Variants in ATP8A2 observed in about 807,000 individuals in gnomAD.
ATP8A2 encodes the protein phospholipid-transporting ATPase IB.
Under a neutral mutation model 165.6 loss-of-function variants are expected in ATP8A2, and 100 were observed. The observed-to-expected ratio is 0.60, with a 90% CI of 0.51 to 0.71. The LOEUF is 0.71. Among genes scored for constraint, ATP8A2 ranks in the 30% least tolerant of loss-of-function variants. The pLI is 0.00. For missense variants in ATP8A2, 1,227 were observed against 1,479.5 expected, an observed-to-expected ratio of 0.83 and a Z score of 2.80; for synonymous variants, 543 against 548.8, an observed-to-expected ratio of 0.99 and a Z score of 0.15.
intron 7 of ATP8A2, among the ~76,000 whole-genome samples, chr13:25,539,947 A>T (rs2137980908): frequency 6.6e-6 from 1 of 152,304 alleles, no homozygotes; most frequent in Middle Eastern, 3.4e-3. Flanking sequence ...TGCCTTGGGC[A>T]GCCTTTTTGG....
intron 2 of ATP8A2, among the ~76,000 whole-genome samples, chr13:25,523,741 A>G (rs914262908): frequency 4.0e-5 from 6 of 151,788 alleles, no homozygotes; most frequent in Non-Finnish European, 8.8e-5. Context: ...TTCTGGTTTT[A>G]TTTGAGTCTT....
chr13:25,842,759 G>A (rs1951774009), intron 30 of ATP8A2, among the ~76,000 whole-genome samples: 1 of 151,666 alleles, frequency 6.6e-6, no homozygotes, highest in South Asian at 2.1e-4. Context: ...AGGAAGGAAG[G>A]TTGGAAGGAA....
At chr13:25,699,399 G>T in intron 25 of ATP8A2, 54 bp downstream of exon 25, 2 of 1,368,820 alleles carry the variant, frequency 1.5e-6, no homozygotes, top group Non-Finnish European at 9.7e-7. Flanking sequence ...TGTATCCCGT[G>T]CTTATACAAA....
At chr13:25,391,303 AATTTCT>A (rs1227522125) in intron 1 of ATP8A2, among the ~76,000 whole-genome samples, 1 of 152,130 alleles carries the variant, frequency 6.6e-6, no homozygotes, top group Non-Finnish European at 1.5e-5. Flanking sequence ...CCCTACTCTG[AATTTCT>A]ATTCATGTGT....
intron 1 of ATP8A2, among the ~76,000 whole-genome samples, chr13:25,389,104 G>T (rs2033155358): frequency 6.6e-6 from 1 of 152,120 alleles, no homozygotes; most frequent in African/African-American, 2.4e-5. Flanking sequence ...TCAAGATGGT[G>T]GCACTCAGTG....
At chr13:25,927,427 T>C in intron 33 of ATP8A2, 1 of 350,622 alleles carries the variant, frequency 2.9e-6, no homozygotes, top group Non-Finnish European at 5.7e-6. Context: ...GTCAGAATTC[T>C]GAGCTTTTCT....
intron 33 of ATP8A2, among the ~76,000 whole-genome samples, chr13:25,874,955 T>C (rs1952786678): frequency 6.6e-6 from 1 of 152,234 alleles, no homozygotes; most frequent in East Asian, 1.9e-4. Context: ...AAGTGAAATA[T>C]TCTAACATGG....
At chr13:25,627,416 T>C (rs1437007648) in intron 24 of ATP8A2, among the ~76,000 whole-genome samples, 1 of 152,162 alleles carries the variant, frequency 6.6e-6, no homozygotes, top group Non-Finnish European at 1.5e-5. Context: ...GTTGAAGCGC[T>C]GACCCCCAGT....
chr13:25,510,914 G>A (rs2037205312), intron 2 of ATP8A2, among the ~76,000 whole-genome samples: 1 of 152,182 alleles, frequency 6.6e-6, no homozygotes, highest in Non-Finnish European at 1.5e-5. Context: ...AGTTGAAAGA[G>A]TTTAGAAGTG....
At chr13:25,492,845 G>C (rs1460299055) in intron 2 of ATP8A2, among the ~76,000 whole-genome samples, 1 of 152,160 alleles carries the variant, frequency 6.6e-6, no homozygotes, top group Non-Finnish European at 1.5e-5. Context: ...GTGGGGCCCA[G>C]TTTCCTTTGG....
chr13:25,936,903 T>G (rs932271126), intron 33 of ATP8A2, among the ~76,000 whole-genome samples: 1 of 152,294 alleles, frequency 6.6e-6, no homozygotes, highest in South Asian at 2.1e-4. Flanking sequence ...ATGAAAGGGT[T>G]TTACTTTTTG....
chr13:25,494,434 T>C (rs1324605925), intron 2 of ATP8A2, among the ~76,000 whole-genome samples: 1 of 152,142 alleles, frequency 6.6e-6, no homozygotes, highest in Admixed American at 6.5e-5. Context: ...AAATATCTTA[T>C]TAGGTTTCCT....
intron 10 of ATP8A2, among the ~76,000 whole-genome samples, chr13:25,545,032 C>A (rs1476077357): frequency 6.6e-6 from 1 of 150,944 alleles, no homozygotes; most frequent in Non-Finnish European, 1.5e-5. Flanking sequence ...TGTCTACTGG[C>A]GCACCGTCTG....
chr13:25,427,766 T>C (rs150819091), intron 1 of ATP8A2, among the ~76,000 whole-genome samples: 3,339 of 152,106 alleles, frequency 0.022, 126 homozygotes, highest in African/African-American at 0.075. Flanking sequence ...TGGTGGCAGG[T>C]GCTTGTAGTC....
chr13:25,862,559 T>C lies in ATP8A2; in HGVS notation c.3183+151T>C, dbSNP rs1349644047. On this transcript the variant is annotated intron_variant, in intron 33 of 36. Transcript: ENST00000381655. ...GCTTCCATCAGAATCTATCAGGAGA[T>C]AAACCAAACCAAAGCACCTGGAAGA... 5 of 620,576 alleles carry C rather than the reference T, an allele frequency of 8.1e-6. No homozygotes were observed. The East Asian group carries it at 1.4e-4, about 17-fold the overall frequency. The allele number at this position is 620,576 out of a possible 1,614,324, so 38.4% of individuals were successfully genotyped here.
chr13:25,724,181 A>G (rs986852864), intron 25 of ATP8A2, among the ~76,000 whole-genome samples: 3 of 152,216 alleles, frequency 2.0e-5, no homozygotes, highest in Non-Finnish European at 4.4e-5. Flanking sequence ...AAAACCAGTT[A>G]TAATTTGTCA....
At chr13:25,735,001 A>C (rs11616364) in intron 25 of ATP8A2, among the ~76,000 whole-genome samples, 93,325 of 151,896 alleles carry the variant, frequency 0.61, 29,023 homozygotes, top group East Asian at 0.74. Context: ...AACAAGCGAT[A>C]AGTTCTATCT....
At chr13:25,601,807 C>T (rs2040395301) in intron 24 of ATP8A2, among the ~76,000 whole-genome samples, 1 of 152,134 alleles carries the variant, frequency 6.6e-6, no homozygotes, top group African/African-American at 2.4e-5. Flanking sequence ...TTTTATTACA[C>T]AAAATGTGGG....
chr13:25,891,912 C>CGT (rs1438413370), intron 33 of ATP8A2, among the ~76,000 whole-genome samples: 1 of 151,540 alleles, frequency 6.6e-6, no homozygotes, highest in Non-Finnish European at 1.5e-5. Flanking sequence ...GTAGTGTGTG[C>CGT]GTGTGTGTGG....
Sources: allele counts gnomAD v4.1 joint callset (sites outside exome capture counted in the v4.1 genomes callset), GRCh38; gene constraint gnomAD v4.1.1; transcripts MANE v1.5; gene names NCBI Gene and HGNC (gene_info 2026-07-23, HGNC 2026-07-21).